Variants in KIAA1328 observed in about 807,000 individuals in gnomAD.
KIAA1328 encodes the protein protein hinderin.
A neutral mutation model predicts 68.1 loss-of-function variants in KIAA1328; 52 were observed. That is an observed-to-expected ratio of 0.76 (90% confidence interval 0.61 to 0.96). KIAA1328 has a LOEUF of 0.96. Ranked by LOEUF, KIAA1328 falls within the 40% of genes least tolerant of loss-of-function variation. The pLI is 0.00. For synonymous variants in KIAA1328, 232 were observed against 239.4 expected (o/e 0.97, Z 0.28); for missense variants, 641 against 677.6 (o/e 0.95, Z 0.60).
At chr18:37,116,902 A>G (rs1365812100) in intron 7 of KIAA1328, among the ~76,000 whole-genome samples, 4 of 152,264 alleles carry the variant, frequency 2.6e-5, no homozygotes, top group Non-Finnish European at 4.4e-5. Flanking sequence ...CAACAGACAT[A>G]TGAAAAAATG....
At chr18:37,201,690 T>G (rs1392443639) in intron 9 of KIAA1328, among the ~76,000 whole-genome samples, 1 of 152,204 alleles carries the variant, frequency 6.6e-6, no homozygotes, top group Non-Finnish European at 1.5e-5. Context: ...CTCTCAAGGC[T>G]AAGAAGCAAA....
chr18:36,912,352 C>T (rs1445077015), intron 5 of KIAA1328, among the ~76,000 whole-genome samples: 1 of 152,124 alleles, frequency 6.6e-6, no homozygotes, highest in African/African-American at 2.4e-5. Flanking sequence ...TGCCCATATT[C>T]CTTGGCTCCT....
chr18:37,105,915 TC>T (rs1210608391), intron 7 of KIAA1328, among the ~76,000 whole-genome samples: 1 of 20,868 alleles, frequency 4.8e-5, no homozygotes, highest in Non-Finnish European at 7.5e-5. Flanking sequence ...AGACTCTGTG[TC>T]AAAAAAAAAA....
At chr18:37,201,022 G>A (rs947767611) in intron 9 of KIAA1328, among the ~76,000 whole-genome samples, 3 of 152,146 alleles carry the variant, frequency 2.0e-5, no homozygotes, top group African/African-American at 7.2e-5. Flanking sequence ...AGTCAAGGGG[G>A]AAGGGGAGAT....
intron 9 of KIAA1328, 77 bp downstream of exon 9, chr18:37,173,158 G>A: frequency 3.7e-6 from 4 of 1,071,448 alleles, no homozygotes; most frequent in South Asian, 1.5e-5. Context: ...AATAAGGAAG[G>A]GAAAAATCTT....
chr18:36,941,875 A>G (rs1214355676), intron 5 of KIAA1328, among the ~76,000 whole-genome samples: 2 of 152,170 alleles, frequency 1.3e-5, no homozygotes, highest in African/African-American at 4.8e-5. Flanking sequence ...TATGGGAAAA[A>G]TAGGTTTAGA....
At chr18:36,882,844 G>A (rs992462404) in intron 4 of KIAA1328, among the ~76,000 whole-genome samples, 1 of 152,118 alleles carries the variant, frequency 6.6e-6, no homozygotes, top group Non-Finnish European at 1.5e-5. Context: ...GTAAACCTGT[G>A]ATCTGCTTTT....
intron 7 of KIAA1328, among the ~76,000 whole-genome samples, chr18:37,094,091 G>A (rs961689719): frequency 1.8e-4 from 27 of 152,198 alleles, no homozygotes; most frequent in Non-Finnish European, 4.4e-5. Context: ...TCAGGCATTA[G>A]ACAGGTTCTC....
At chr18:37,007,846 ATAAG>A (rs2053837612) in intron 6 of KIAA1328, among the ~76,000 whole-genome samples, 1 of 152,218 alleles carries the variant, frequency 6.6e-6, no homozygotes, top group Non-Finnish European at 1.5e-5. Context: ...AAGCAACTGT[ATAAG>A]TAAACAAAAG....
At chr18:36,931,681 T>C (rs549239751) in intron 5 of KIAA1328, among the ~76,000 whole-genome samples, 1 of 152,210 alleles carries the variant, frequency 6.6e-6, no homozygotes, top group African/African-American at 2.4e-5. Context: ...ATTTTAAATA[T>C]GTGAAATATT....
At chr18:37,221,541 G>A (rs966883345) in intron 9 of KIAA1328, among the ~76,000 whole-genome samples, 4 of 152,320 alleles carry the variant, frequency 2.6e-5, no homozygotes, top group Middle Eastern at 3.4e-3. Context: ...TCTAGACTCT[G>A]CTGTGTAATT....
intron 7 of KIAA1328, among the ~76,000 whole-genome samples, chr18:37,099,468 A>AT (rs1415055103): frequency 6.6e-6 from 1 of 152,106 alleles, no homozygotes; most frequent in African/African-American, 2.4e-5. Context: ...GATCTTTTAC[A>AT]TTTGCTGAGG....
intron 9 of KIAA1328, among the ~76,000 whole-genome samples, chr18:37,187,336 G>T (rs746307417): frequency 2.2e-4 from 33 of 152,032 alleles, no homozygotes; most frequent in Non-Finnish European, 4.1e-4. Context: ...AGGTGCGTTG[G>T]GATTTGTATT....
chr18:36,999,781 A>T (rs1273143014), intron 6 of KIAA1328, among the ~76,000 whole-genome samples: 6 of 152,196 alleles, frequency 3.9e-5, no homozygotes, highest in Admixed American at 3.9e-4. Flanking sequence ...TAAACCTGGA[A>T]GTGACAGACG....
intron 7 of KIAA1328, among the ~76,000 whole-genome samples, chr18:37,098,850 G>A (rs1412104094): frequency 6.6e-6 from 1 of 152,150 alleles, no homozygotes; most frequent in Non-Finnish European, 1.5e-5. Flanking sequence ...AGATTTTCTA[G>A]TTTATTTGTG....
At chr18:37,077,651 A>G (rs1445684073) in intron 7 of KIAA1328, among the ~76,000 whole-genome samples, 1 of 150,308 alleles carries the variant, frequency 6.7e-6, no homozygotes, top group Non-Finnish European at 1.5e-5. Context: ...ATACAAAATC[A>G]ATGTGCAAAA....
intron 6 of KIAA1328, among the ~76,000 whole-genome samples, chr18:36,974,097 G>A (rs1318168426): frequency 6.6e-6 from 1 of 152,056 alleles, no homozygotes; most frequent in Admixed American, 6.6e-5. Context: ...TGGAATCAGG[G>A]TTGTTTGCTC....
At position 37,223,407 on chromosome 18, in the gene KIAA1328, T is replaced by C; in HGVS notation, c.*1180T>C. ...CCCACAGAGCTCTTGAGATGGGTCC[T>C]TCAGCTTGCAGTGGTCCCTAGTAGC... On this transcript the variant is annotated 3_prime_UTR_variant, in exon 10 of 10. Coordinates refer to ENST00000280020, the MANE Select transcript of KIAA1328 (RefSeq NM_020776.3). The C allele has an allele frequency of 2.0e-6, 2 of 985,388 alleles. No homozygotes were observed. Among genetic ancestry groups the C allele is most frequent in the Non-Finnish European group, 2.4e-6 (2 of 829,930 alleles). 61.0% of individuals were successfully genotyped at this position (985,388 alleles called of 1,614,324 possible). A position where few individuals can be genotyped will look rare whatever the true frequency, so the allele number is the denominator to read the frequency against.
At chr18:37,167,355 C>CT (rs2059410543) in intron 8 of KIAA1328, among the ~76,000 whole-genome samples, 1 of 152,124 alleles carries the variant, frequency 6.6e-6, no homozygotes, top group African/African-American at 2.4e-5. Flanking sequence ...GGGTTCTTGC[C>CT]TTAGTGTACT....
Sources: allele counts gnomAD v4.1 joint callset (sites outside exome capture counted in the v4.1 genomes callset), GRCh38; gene constraint gnomAD v4.1.1; transcripts MANE v1.5; gene names NCBI Gene and HGNC (gene_info 2026-07-23, HGNC 2026-07-21).